SYCP1: variants seen among roughly 807,000 people sequenced by gnomAD.
The protein encoded by SYCP1 is cancer/testis antigen 8.
In SYCP1, 64 loss-of-function variants were observed where a neutral mutation model predicts 153.1. That is an observed-to-expected ratio of 0.42 (90% CI 0.34 to 0.51). The LOEUF (loss-of-function observed/expected upper bound fraction) is 0.51, where lower values mean the gene tolerates loss of function less well. Ranked by LOEUF, SYCP1 falls within the 20% of genes least tolerant of loss-of-function variation. SYCP1 has a pLI of 0.06. For missense variants in SYCP1, 997 were observed against 1,049.0 expected (o/e 0.95, Z 0.68); for synonymous variants, 384 against 341.8 (o/e 1.12, Z -1.36).
intron 8 of SYCP1, among the ~76,000 whole-genome samples, chr1:114,867,709 G>C (rs1664858406): frequency 1.3e-5 from 2 of 151,916 alleles, no homozygotes; most frequent in Admixed American, 1.3e-4. Flanking sequence ...TGTGAATAAA[G>C]TAGTTTTTAT....
intron 27 of SYCP1, among the ~76,000 whole-genome samples, chr1:114,954,229 T>A (rs1233597218): frequency 1.3e-5 from 2 of 152,138 alleles, no homozygotes; most frequent in African/African-American, 4.8e-5. Context: ...ACATTAAAAA[T>A]CTTTTAGCAA....
Position 114,947,250 on chromosome 1 carries a change from T to C in SYCP1, c.2252T>C (p.Ile751Thr), listed in dbSNP as rs758941619. The C allele has an allele frequency of 8.1e-6, 13 of 1,610,024 alleles. No homozygotes were observed. The highest frequency in any genetic ancestry group is 8.0e-5 in the African/African-American group (6 of 74,636). The change falls in exon 27 of 32, where the codon ATT becomes ACT. Residue 751 changes from isoleucine (I) to threonine (T), a missense_variant. Around this residue, in one of 2 missense-constraint regions of SYCP1, gnomAD observed 712 missense variants for 682.9 expected, o/e 1.04. Transcript: ENST00000369522. ...EQSSLRASLE[I>T]ELSNLKAELL... ...TTCATGTTTCTTTTTCTTTAGGAGATTGAACTATCCAATCTCAAAGCTGAA... is the reference window on the plus strand; with the variant it reads ...TTCATGTTTCTTTTTCTTTAGGAGACTGAACTATCCAATCTCAAAGCTGAA...
chr1:114,974,658 T>C (rs896155861), intron 27 of SYCP1, among the ~76,000 whole-genome samples: 11 of 151,854 alleles, frequency 7.2e-5, no homozygotes, highest in African/African-American at 2.7e-4. Context: ...TTGTAGTATG[T>C]AACAGGATGC....
In SYCP1 at chr1:114,928,503, T is replaced by A. The variant is rs147439317; in HGVS notation, c.1926+1940T>A. Among the ~76,000 whole-genome samples the A allele has an allele frequency of 4.3e-3, 653 of 152,296 alleles. 3 individuals are homozygous for A. The highest frequency in any genetic ancestry group is 0.015 in the African/African-American group (609 of 41,570). ...TGTACCCTAAGCAATACTTAAGGAA[T>A]TTCTTCAAGTTGAAGGAAAATGGCA... On this transcript the variant is annotated intron_variant, in intron 23 of 31. Transcript: ENST00000369522.
At chr1:114,902,957 A>T (rs1402932013) in intron 16 of SYCP1, among the ~76,000 whole-genome samples, 2 of 152,100 alleles carry the variant, frequency 1.3e-5, no homozygotes, top group Non-Finnish European at 2.9e-5. Context: ...AGGTGAGCGG[A>T]TCACTTGAGG....
intron 8 of SYCP1, among the ~76,000 whole-genome samples, chr1:114,861,923 G>T (rs777668903): frequency 6.7e-6 from 1 of 149,460 alleles, no homozygotes; most frequent in Non-Finnish European, 1.5e-5. Context: ...CCTCAGCCTC[G>T]CGAGTAGCTG....
Position 114,984,731 on chromosome 1 carries a change from A to G in SYCP1, c.2566A>G (p.Thr856Ala). 6.8e-7 allele frequency: 1 copy of G among 1,469,344 alleles called. No homozygotes were observed. Among genetic ancestry groups the G allele is most frequent in the South Asian group, 1.6e-5 (1 of 63,594 alleles). The allele number at this position is 1,469,344 out of a possible 1,614,324, so 91.0% of individuals were successfully genotyped here. Residue 856 changes from threonine to alanine, a missense_variant, in exon 30 of 32, where the codon ACA becomes GCA. Transcript: ENST00000369522. ...GTTTTTTATTTTTGGATAGGCATAT[A>G]CAGTGAAGACACCAACAAAACCAAA... Reference protein sequence around the residue: ...TLSTPLPKAYTVKTPTKPKLQ... With the variant: ...TLSTPLPKAYAVKTPTKPKLQ...
At chr1:114,905,513 A>G (rs1350183872) in intron 16 of SYCP1, among the ~76,000 whole-genome samples, 2 of 152,208 alleles carry the variant, frequency 1.3e-5, no homozygotes, top group Non-Finnish European at 2.9e-5. Context: ...AACAATAGAT[A>G]AACTGGAAAT....
intron 27 of SYCP1, among the ~76,000 whole-genome samples, chr1:114,957,197 T>C (rs902801399): frequency 2.0e-5 from 3 of 152,182 alleles, no homozygotes; most frequent in Non-Finnish European, 4.4e-5. Flanking sequence ...ACTAAGTAGC[T>C]GGGACTACAA....
chr1:114,887,146 T>A (rs1366741226), intron 14 of SYCP1, among the ~76,000 whole-genome samples: 1 of 152,076 alleles, frequency 6.6e-6, no homozygotes, highest in Non-Finnish European at 1.5e-5. Flanking sequence ...ACCTATCCAG[T>A]GATTTTTCAT....
At chr1:114,859,476 CA>C (rs956058667) in intron 6 of SYCP1, among the ~76,000 whole-genome samples, 2 of 152,118 alleles carry the variant, frequency 1.3e-5, no homozygotes. Flanking sequence ...AACATTACTT[CA>C]AAAATATTTA....
chr1:114,980,450 T>G (rs1460867645), intron 28 of SYCP1, among the ~76,000 whole-genome samples: 3 of 151,966 alleles, frequency 2.0e-5, no homozygotes, highest in Non-Finnish European at 4.4e-5. Flanking sequence ...TTATTTAGAA[T>G]TGAAGCAAAT....
intron 16 of SYCP1, among the ~76,000 whole-genome samples, chr1:114,903,104 C>T (rs1042847952): frequency 2.0e-5 from 3 of 152,092 alleles, no homozygotes; most frequent in East Asian, 1.9e-4. Flanking sequence ...CGCTTGAGCC[C>T]GGGAGGCGGA....
At chr1:114,971,712 A>G (rs993846883) in intron 27 of SYCP1, among the ~76,000 whole-genome samples, 7 of 152,186 alleles carry the variant, frequency 4.6e-5, no homozygotes, top group African/African-American at 1.7e-4. Context: ...TTGATATGAT[A>G]TATCACACTG....
chr1:114,876,713 A>G (rs1314701328), intron 10 of SYCP1, 24 bp from the exon 11 acceptor site: 15 of 1,159,404 alleles, frequency 1.3e-5, no homozygotes, highest in African/African-American at 1.6e-5. Flanking sequence ...ATGACATTAC[A>G]GTATATTTGT....
In SYCP1 at chr1:114,946,310, G is replaced by C; in HGVS notation, c.2176G>C (p.Glu726Gln). The change falls in exon 26 of 32, where the codon GAA becomes CAA. Residue 726 changes from glutamate (E) to glutamine (Q), a missense_variant. Glu to Gln is a conservative substitution (Grantham distance 29). Transcript: ENST00000369522. ...ATAGCACCAATATGATAAGATCATT[G>C]AAGAAAGAGACTCAGAATTAGGACT... ...KHKHQYDKII[E>Q]ERDSELGLYK... The C allele has an allele frequency of 6.3e-7, 1 of 1,581,694 alleles. No homozygotes were observed. Among genetic ancestry groups the C allele is most frequent in the East Asian group, 2.4e-5 (1 of 41,608 alleles).
chr1:114,937,089 C>A (rs1028744374), intron 23 of SYCP1, among the ~76,000 whole-genome samples: 1 of 152,184 alleles, frequency 6.6e-6, no homozygotes, highest in Admixed American at 6.5e-5. Flanking sequence ...ATTGCCAAGA[C>A]AATTCTAAGC....
Position 114,874,575 on chromosome 1 carries a change from A to G in SYCP1, c.657+11A>G, listed in dbSNP as rs1570675296. 6.5e-6 allele frequency: 10 copies of G among 1,544,724 alleles called. No individual in the cohort carries two copies. In the East Asian group the frequency reaches 2.3e-4, roughly 35 times the overall value. On this transcript the variant is annotated intron_variant, in intron 9 of 31. Transcript: ENST00000369522. ...AATAATAACATTGAGGTGAGTGTTA[A>G]TGAAATCTGAGTATTTTAAACATAG...
intron 21 of SYCP1, 57 bp downstream of exon 21, chr1:114,923,587 C>G (rs1286660005): frequency 6.9e-7 from 1 of 1,447,202 alleles, no homozygotes; most frequent in Non-Finnish European, 9.3e-7. Context: ...AAAAGCAACA[C>G]CATATGTCTA....
Sources: allele counts gnomAD v4.1 joint callset (sites outside exome capture counted in the v4.1 genomes callset), GRCh38; gene constraint gnomAD v4.1.1; regional missense constraint gnomAD v4.1.1; transcripts MANE v1.5; gene names NCBI Gene and HGNC (gene_info 2026-07-23, HGNC 2026-07-21).